Variants in POU2AF3 observed in about 807,000 individuals in gnomAD.
POU2AF3 encodes the protein cancer susceptibility candidate 13.
At chr11:111,298,609 A>T in the POU2AF3 span, 1 of 1,246,604 alleles carries the variant, frequency 8.0e-7, no homozygotes, top group African/African-American at 1.5e-5. Context: ...TGCTTCTCCT[A>T]GGGTCGGGTC....
chr11:111,304,082 G>A, the POU2AF3 span, among the ~76,000 whole-genome samples: 24 of 151,992 alleles, frequency 1.6e-4, no homozygotes, highest in Admixed American at 2.6e-4. Context: ...AATAATTCCC[G>A]ACCATTAACT....
the POU2AF3 span, chr11:111,305,159 A>T: frequency 2.5e-6 from 1 of 398,778 alleles, no homozygotes; most frequent in Non-Finnish European, 4.4e-6. Context: ...GAAAACAAGC[A>T]TAAATGTTGT....
chr11:111,298,799 G>A, the POU2AF3 span: 26 of 1,203,456 alleles, frequency 2.2e-5, no homozygotes, highest in East Asian at 7.7e-4. Flanking sequence ...GGCCGAGTTG[G>A]CCGCTCCGGA....
At chr11:111,308,203 C>T in the POU2AF3 span, 1 of 1,551,714 alleles carries the variant, frequency 6.4e-7, no homozygotes, top group Middle Eastern at 1.7e-4. Flanking sequence ...CCTGTGGCTA[C>T]CCCCCAGAAG....
the POU2AF3 span, chr11:111,304,678 T>A: frequency 1.2e-5 from 4 of 346,956 alleles, no homozygotes; most frequent in Non-Finnish European, 2.1e-5. Context: ...CCTACCGCAA[T>A]TCTATGCACC....
the POU2AF3 span, chr11:111,304,900 C>T: frequency 8.2e-7 from 1 of 1,222,386 alleles, no homozygotes; most frequent in Non-Finnish European, 1.0e-6. Context: ...TTTCAGCCTG[C>T]TTCACGGTGA....
the POU2AF3 span, chr11:111,307,992 G>C: frequency 7.4e-7 from 1 of 1,360,000 alleles, no homozygotes; most frequent in East Asian, 2.6e-5. Context: ...ACTCTGCATT[G>C]GTAAACCCAC....
chr11:111,306,046 G>T, the POU2AF3 span, among the ~76,000 whole-genome samples: 607 of 152,302 alleles, frequency 4.0e-3, 6 homozygotes, highest in African/African-American at 0.014. Flanking sequence ...AGAGGTTTAC[G>T]TGAACTGCCG....
chr11:111,303,709 C>G, the POU2AF3 span, among the ~76,000 whole-genome samples: 1 of 152,106 alleles, frequency 6.6e-6, no homozygotes, highest in Non-Finnish European at 1.5e-5. Flanking sequence ...CAGCATGGAT[C>G]GTTTTCAAAA....
the POU2AF3 span, chr11:111,307,999 C>T: frequency 6.5e-6 from 9 of 1,393,834 alleles, no homozygotes; most frequent in Admixed American, 1.2e-4. Context: ...ATTGGTAAAC[C>T]CACACTGTTC....
the POU2AF3 span, among the ~76,000 whole-genome samples, chr11:111,305,656 C>A: frequency 6.6e-6 from 1 of 152,328 alleles, no homozygotes; most frequent in East Asian, 1.9e-4. Context: ...ATCCTCTCTT[C>A]TTCCAGCATT....
At chr11:111,303,892 TAA>T in the POU2AF3 span, among the ~76,000 whole-genome samples, 10 of 141,658 alleles carry the variant, frequency 7.1e-5, no homozygotes, top group Non-Finnish European at 6.1e-5. Flanking sequence ...ACCTGAAATT[TAA>T]AAAAAAAAAA....
At chr11:111,298,726 AG>A in the POU2AF3 span, 1 of 1,098,848 alleles carries the variant, frequency 9.1e-7, no homozygotes, top group African/African-American at 1.6e-5. Context: ...GGATCCGGAG[AG>A]GACGCGAGCC....
chr11:111,308,275 C>G, the POU2AF3 span: 7 of 1,551,724 alleles, frequency 4.5e-6, no homozygotes, highest in East Asian at 1.7e-4. Flanking sequence ...CGGCCACCAC[C>G]TCCATCTGCT....
At chr11:111,308,004 C>G in the POU2AF3 span, 4 of 1,411,488 alleles carry the variant, frequency 2.8e-6, no homozygotes, top group Non-Finnish European at 3.7e-6. Context: ...TAAACCCACA[C>G]TGTTCAGTTC....
At chr11:111,306,310 T>C in the POU2AF3 span, 1 of 716,746 alleles carries the variant, frequency 1.4e-6, no homozygotes, top group Non-Finnish European at 2.1e-6. Context: ...CTAGACATAG[T>C]AAATATTCAG....
the POU2AF3 span, chr11:111,299,512 G>T: frequency 8.6e-7 from 1 of 1,156,740 alleles, no homozygotes; most frequent in Non-Finnish European, 1.1e-6. Flanking sequence ...CCCTCCCAGC[G>T]AACCCCTCTT....
At chr11:111,308,582 A>T in the POU2AF3 span, 2 of 878,026 alleles carry the variant, frequency 2.3e-6, no homozygotes, top group Non-Finnish European at 3.3e-6. Flanking sequence ...GATGCTAAGC[A>T]TTCATATGAA....
chr11:111,305,408 G>C, the POU2AF3 span, among the ~76,000 whole-genome samples: 2 of 152,122 alleles, frequency 1.3e-5, no homozygotes, highest in African/African-American at 4.8e-5. Context: ...CCCCTTCTCT[G>C]TTCCCAGAAA....
Sources: allele counts gnomAD v4.1 joint callset (sites outside exome capture counted in the v4.1 genomes callset), GRCh38; gene constraint gnomAD v4.1.1; transcripts MANE v1.5; gene names NCBI Gene and HGNC (gene_info 2026-07-23, HGNC 2026-07-21).